VWC2L: variants seen among roughly 807,000 people sequenced by gnomAD.
VWC2L encodes von Willebrand factor C domain-containing protein 2-like.
Under a neutral mutation model 21.6 loss-of-function variants are expected in VWC2L, and 10 were observed. The ratio of observed to expected loss-of-function variants is 0.46; its 90% confidence interval spans 0.29 to 0.78. VWC2L has a LOEUF of 0.78. Ranked by LOEUF, VWC2L falls within the 30% of genes least tolerant of loss-of-function variation. The pLI is 0.10. For synonymous variants in VWC2L, 96 were observed against 94.3 expected (o/e 1.02, Z -0.10); for missense variants, 209 against 277.1 (o/e 0.75, Z 1.74).
intron 3 of VWC2L, among the ~76,000 whole-genome samples, chr2:214,560,352 CT>C (rs1490332714): frequency 3.3e-5 from 5 of 152,002 alleles, no homozygotes; most frequent in Admixed American, 3.3e-4. Context: ...AAGTTTTCTG[CT>C]TCGTTGTGGT....
At chr2:214,541,007 C>T (rs1388143797) in intron 3 of VWC2L, among the ~76,000 whole-genome samples, 1 of 152,058 alleles carries the variant, frequency 6.6e-6, no homozygotes, top group African/African-American at 2.4e-5. Flanking sequence ...TTTCTTGAGA[C>T]ATGCTAGTTA....
intron 3 of VWC2L, among the ~76,000 whole-genome samples, chr2:214,575,313 G>A (rs1443712207): frequency 3.9e-5 from 6 of 152,118 alleles, no homozygotes; most frequent in Admixed American, 2.0e-4. Flanking sequence ...GCCCTCCCTC[G>A]TGTTTCAGAG....
At chr2:214,412,103 A>G (rs1332485332) in intron 1 of VWC2L, among the ~76,000 whole-genome samples, 1 of 152,126 alleles carries the variant, frequency 6.6e-6, no homozygotes, top group Non-Finnish European at 1.5e-5. Context: ...GCAGATTTTA[A>G]GATATATTTC....
At chr2:214,499,001 G>A (rs1038008235) in intron 3 of VWC2L, among the ~76,000 whole-genome samples, 8 of 136,374 alleles carry the variant, frequency 5.9e-5, no homozygotes, top group East Asian at 2.2e-4. Flanking sequence ...GGCTTATATC[G>A]TACCATTCTT....
chr2:214,547,484 G>A (rs1451838703), intron 3 of VWC2L, among the ~76,000 whole-genome samples: 1 of 152,210 alleles, frequency 6.6e-6, no homozygotes, highest in East Asian at 1.9e-4. Context: ...CATGTGGTCT[G>A]TTATTATTGA....
chr2:214,422,553 A>C (rs1407209891), intron 2 of VWC2L, among the ~76,000 whole-genome samples: 2 of 152,202 alleles, frequency 1.3e-5, no homozygotes, highest in African/African-American at 4.8e-5. Context: ...AATAACTAAG[A>C]GGAGAGTTGA....
rs1274896343 is a variant in VWC2L, at chr2:214,577,914, C to G, written c.*2094C>G. On this transcript the variant is annotated 3_prime_UTR_variant, in exon 4 of 4. Transcript: ENST00000312504. Reference sequence around the variant, plus strand: ...ATCAAGCCACCTTCCCTTAGAACACCAATTTGCAGCAAGGTTGGTGCCTTT... The same window carrying G: ...ATCAAGCCACCTTCCCTTAGAACACGAATTTGCAGCAAGGTTGGTGCCTTT... The G allele has an allele frequency of 6.6e-6, 1 of 152,126 alleles. No homozygotes were observed. The highest frequency in any genetic ancestry group is 1.5e-5 in the Non-Finnish European group (1 of 68,016). The allele number at this position is 152,126 out of a possible 1,614,324, so 9.4% of individuals were successfully genotyped here.
intron 3 of VWC2L, among the ~76,000 whole-genome samples, chr2:214,558,731 C>A (rs1252233517): frequency 6.6e-6 from 1 of 152,046 alleles, no homozygotes; most frequent in African/African-American, 2.4e-5. Context: ...TTAAAACCAG[C>A]GTCATCTATG....
At position 214,443,247 on chromosome 2, in the gene VWC2L, C is replaced by G. The variant is rs1263321401; in HGVS notation, c.520+6489C>G. 2.6e-5 allele frequency among the ~76,000 whole-genome samples: 4 copies of G among 152,048 alleles called. No individual in the cohort carries two copies. In the East Asian group the frequency reaches 7.7e-4, roughly 29 times the overall value. On this transcript the variant is annotated intron_variant, in intron 3 of 3. Transcript: ENST00000312504. Reference sequence around the variant, plus strand: ...AAAAAAAGCTGTCTGTGGTGTGTGCCTGTAATCCCAGCTACTCAGGAGGCT... The same window carrying G: ...AAAAAAAGCTGTCTGTGGTGTGTGCGTGTAATCCCAGCTACTCAGGAGGCT...
intron 3 of VWC2L, among the ~76,000 whole-genome samples, chr2:214,485,499 G>T (rs1376068446): frequency 1.3e-5 from 2 of 152,042 alleles, no homozygotes; most frequent in Non-Finnish European, 2.9e-5. Context: ...TGAAAAATAA[G>T]ACTAATCAAA....
rs557495992 is a variant in VWC2L, at chr2:214,575,950, G to C, written c.*130G>C. On this transcript the variant is annotated 3_prime_UTR_variant, in exon 4 of 4. Transcript: ENST00000312504. ...CAGGGTCACCAGCAAAACTTTCTAG[G>C]GTTGACAAAAGTGAATATTTTCCTA... 1 of 1,065,204 alleles carries C rather than the reference G, an allele frequency of 9.4e-7. No homozygotes were observed. The highest frequency in any genetic ancestry group is 2.6e-5 in the East Asian group (1 of 39,138). The allele number at this position is 1,065,204 out of a possible 1,614,324, so 66.0% of individuals were successfully genotyped here.
intron 3 of VWC2L, among the ~76,000 whole-genome samples, chr2:214,559,526 C>A (rs926921184): frequency 1.1e-4 from 16 of 152,036 alleles, no homozygotes; most frequent in African/African-American, 3.4e-4. Flanking sequence ...TCTTAAGGCA[C>A]CCGTCTTGGA....
At chr2:214,502,530 A>T (rs1254888915) in intron 3 of VWC2L, among the ~76,000 whole-genome samples, 1 of 152,206 alleles carries the variant, frequency 6.6e-6, no homozygotes, top group Middle Eastern at 3.2e-3. Context: ...AGATCGTGCC[A>T]CTGCACTCCA....
chr2:214,516,669 A>C (rs1200478477), intron 3 of VWC2L, among the ~76,000 whole-genome samples: 1 of 152,080 alleles, frequency 6.6e-6, no homozygotes, highest in Non-Finnish European at 1.5e-5. Context: ...AAAAAAAAAA[A>C]AAGGAAGCTG....
chr2:214,566,563 C>T (rs1000109898), intron 3 of VWC2L, among the ~76,000 whole-genome samples: 1 of 152,120 alleles, frequency 6.6e-6, no homozygotes, highest in Non-Finnish European at 1.5e-5. Context: ...CTGCATCTTG[C>T]CACCTTAATC....
intron 3 of VWC2L, among the ~76,000 whole-genome samples, chr2:214,459,663 T>C (rs1703110062): frequency 6.6e-6 from 1 of 152,216 alleles, no homozygotes; most frequent in Non-Finnish European, 1.5e-5. Flanking sequence ...CTAGTGATGA[T>C]GAATTCGTTC....
intron 3 of VWC2L, among the ~76,000 whole-genome samples, chr2:214,513,533 T>G (rs933798442): frequency 3.3e-5 from 5 of 152,102 alleles, no homozygotes; most frequent in African/African-American, 1.2e-4. Flanking sequence ...AGAGAAGATT[T>G]TCACTATTGC....
intron 2 of VWC2L, among the ~76,000 whole-genome samples, chr2:214,419,239 ATCTT>A (rs946736749): frequency 1.3e-5 from 2 of 152,126 alleles, no homozygotes; most frequent in African/African-American, 2.4e-5. Context: ...AGGTTCTCTC[ATCTT>A]TCTTTTATGT....
At chr2:214,471,068 C>T (rs1703302219) in intron 3 of VWC2L, among the ~76,000 whole-genome samples, 1 of 151,652 alleles carries the variant, frequency 6.6e-6, no homozygotes, top group African/African-American at 2.4e-5. Flanking sequence ...ATTGATTTTT[C>T]AAGGGTATTT....
Sources: gnomAD v4.1 joint callset for allele counts (sites outside exome capture counted in the v4.1 genomes callset) on GRCh38, gnomAD v4.1.1 for gene constraint, MANE v1.5 for transcripts, NCBI Gene and HGNC (gene_info 2026-07-23, HGNC 2026-07-21) for gene names.